Variants in FRK observed in about 807,000 individuals in gnomAD.
FRK encodes the protein fyn related Src family tyrosine kinase.
A neutral mutation model predicts 56.4 loss-of-function variants in FRK; 51 were observed. That is an observed-to-expected ratio of 0.90 (90% CI 0.72 to 1.14). The LOEUF (loss-of-function observed/expected upper bound fraction) is 1.14, where lower values mean the gene tolerates loss of function less well. Ranked by LOEUF, FRK falls within the 50% of genes most tolerant of loss-of-function variation. The pLI is 0.00. For synonymous variants in FRK, 245 were observed against 217.9 expected, an observed-to-expected ratio of 1.12 and a Z score of -1.10; for missense variants, 570 against 601.4, an observed-to-expected ratio of 0.95 and a Z score of 0.55.
intron 4 of FRK, among the ~76,000 whole-genome samples, chr6:115,957,271 G>A (rs1208502936): frequency 5.9e-5 from 9 of 152,176 alleles, no homozygotes; most frequent in Non-Finnish European, 1.0e-4. Flanking sequence ...ACAATATTAA[G>A]GCCTATTTAG....
At chr6:115,966,869 T>C (rs948807378) in intron 4 of FRK, among the ~76,000 whole-genome samples, 2 of 152,226 alleles carry the variant, frequency 1.3e-5, no homozygotes, top group East Asian at 3.9e-4. Flanking sequence ...TGTCCACTAA[T>C]GACCTAATTT....
chr6:116,055,292 T>C (rs1313746584), intron 1 of FRK, among the ~76,000 whole-genome samples: 2 of 152,188 alleles, frequency 1.3e-5, no homozygotes, highest in Middle Eastern at 3.2e-3. Flanking sequence ...ACTTTTATAC[T>C]TCAGAACATT....
intron 1 of FRK, among the ~76,000 whole-genome samples, chr6:116,025,048 GC>G (rs1238881688): frequency 6.6e-6 from 1 of 151,972 alleles, no homozygotes; most frequent in Non-Finnish European, 1.5e-5. Flanking sequence ...GTGTTTTTTG[GC>G]TGCATAAATG....
the FRK span, among the ~76,000 whole-genome samples, chr6:116,094,606 A>G: frequency 2.0e-5 from 3 of 152,264 alleles, no homozygotes; most frequent in Non-Finnish European, 4.4e-5. Flanking sequence ...CAAGGAAACC[A>G]TGGAGTTATT....
chr6:116,082,559 G>T, the FRK span, among the ~76,000 whole-genome samples: 1 of 152,276 alleles, frequency 6.6e-6, no homozygotes, highest in African/African-American at 2.4e-5. Context: ...TAAAGTGGAG[G>T]TGCAGCATTT....
chr6:116,062,436 C>T (rs1037198265), upstream of FRK, among the ~76,000 whole-genome samples: 2 of 149,980 alleles, frequency 1.3e-5, no homozygotes, highest in African/African-American at 4.9e-5. Flanking sequence ...GAAGTCTTCC[C>T]TGAGACATCT....
At chr6:116,063,692 A>G (rs1020006155), upstream of FRK, among the ~76,000 whole-genome samples, 1 of 152,186 alleles carries the variant, frequency 6.6e-6, no homozygotes, top group Non-Finnish European at 1.5e-5. Context: ...CACTGTATAC[A>G]TGTATCACAG....
intron 4 of FRK, among the ~76,000 whole-genome samples, chr6:115,957,162 T>G (rs1390143211): frequency 1.2e-4 from 19 of 152,210 alleles, no homozygotes. Flanking sequence ...TTTTTTCACA[T>G]GTTTTATATG....
intron 1 of FRK, among the ~76,000 whole-genome samples, chr6:116,009,783 T>C (rs2114709124): frequency 6.6e-6 from 1 of 152,356 alleles, no homozygotes; most frequent in South Asian, 2.1e-4. Flanking sequence ...GTCTACCGTA[T>C]GTAAATTCTG....
rs1423468541 is a variant in FRK at position 115,935,853 on chromosome 6, T to C, written c.*6561A>G. On this transcript the variant is annotated 3_prime_UTR_variant, in exon 8 of 8. Transcript: ENST00000606080. Reference sequence around the variant, plus strand: ...TAAAAAAAAGGCAGTCAGGGACTAATAGATAAAACCCCATCTCCCTGGGAC... The same window carrying C: ...TAAAAAAAAGGCAGTCAGGGACTAACAGATAAAACCCCATCTCCCTGGGAC... 1 of 152,234 alleles carries C rather than the reference T, an allele frequency of 6.6e-6. No individual in the cohort carries two copies. Among genetic ancestry groups the C allele is most frequent in the African/African-American group, 2.4e-5 (1 of 41,438 alleles). The allele number at this position is 152,234 out of a possible 1,614,324, so 9.4% of individuals were successfully genotyped here.
rs1772195066 is a variant in FRK at position 115,941,759 on chromosome 6, T to C, written c.*655A>G. ...ATGTATATGACTCTCAGTTGACACA[T>C]ACTGAAGTACAGAAAAATTCCATCA... On this transcript the variant is annotated 3_prime_UTR_variant, in exon 8 of 8. Coordinates refer to ENST00000606080, the MANE Select transcript of FRK (RefSeq NM_002031.3). 6.6e-6 allele frequency: 1 copy of C among 152,564 alleles called. No individual in the cohort carries two copies. The highest frequency in any genetic ancestry group is 6.5e-5 in the Admixed American group (1 of 15,274). 9.5% of individuals were successfully genotyped at this position (152,564 alleles called of 1,614,324 possible). A position where few individuals can be genotyped will look rare whatever the true frequency, so the allele number is the denominator to read the frequency against.
rs1776341686 is a variant in FRK at position 116,032,627 on chromosome 6, G to A, written c.344+27341C>T. Among the ~76,000 whole-genome samples the A allele has an allele frequency of 2.0e-5, 3 of 152,034 alleles. 1 individual carries two copies. In the South Asian group the frequency reaches 6.2e-4, roughly 31 times the overall value. On this transcript the variant is annotated intron_variant, in intron 1 of 7. Coordinates refer to ENST00000606080, the MANE Select transcript of FRK (RefSeq NM_002031.3). ...ACACTTTACATTGTTAATTAATGTTGGTTAATATTGGAAGTTCTGTTAATT... is the reference window on the plus strand; with the variant it reads ...ACACTTTACATTGTTAATTAATGTTAGTTAATATTGGAAGTTCTGTTAATT...
At chr6:116,058,910 CAAA>C (rs3049930) in intron 1 of FRK, among the ~76,000 whole-genome samples, 1 of 78,398 alleles carries the variant, frequency 1.3e-5, no homozygotes, top group Non-Finnish European at 2.4e-5. Context: ...GACTCCGTCT[CAAA>C]AAAAAAAAAA....
chr6:116,080,734 G>A, the FRK span, among the ~76,000 whole-genome samples: 1 of 151,986 alleles, frequency 6.6e-6, no homozygotes, highest in Non-Finnish European at 1.5e-5. Context: ...AAACATAGAA[G>A]GACTTCTAAG....
the FRK span, among the ~76,000 whole-genome samples, chr6:116,085,561 C>T: frequency 2.7e-3 from 404 of 152,300 alleles, 2 homozygotes; most frequent in African/African-American, 9.4e-3. Flanking sequence ...TTACCTATTT[C>T]CATGCTGTTA....
intron 1 of FRK, among the ~76,000 whole-genome samples, chr6:116,021,077 C>T (rs980045195): frequency 1.3e-5 from 2 of 151,506 alleles, no homozygotes; most frequent in Admixed American, 1.3e-4. Flanking sequence ...TCTTTCTGTT[C>T]TTTAGAAACT....
chr6:115,952,096 T>G (rs1772778873), intron 5 of FRK, among the ~76,000 whole-genome samples: 2 of 152,228 alleles, frequency 1.3e-5, no homozygotes, highest in Admixed American at 6.5e-5. Flanking sequence ...CTTTGTCAGA[T>G]GAGTAGGTTG....
chr6:116,081,230 G>A, the FRK span, among the ~76,000 whole-genome samples: 16 of 152,328 alleles, frequency 1.1e-4, 1 homozygote, highest in South Asian at 3.3e-3. Flanking sequence ...TTTCAGTGGA[G>A]ACACAGCCAA....
intron 1 of FRK, among the ~76,000 whole-genome samples, chr6:116,026,935 A>G (rs1385936952): frequency 6.6e-6 from 1 of 152,182 alleles, no homozygotes; most frequent in African/African-American, 2.4e-5. Context: ...GGAAGAGATG[A>G]TAAGGAATTT....
Sources: gnomAD v4.1 joint callset for allele counts (sites outside exome capture counted in the v4.1 genomes callset) on GRCh38, gnomAD v4.1.1 for gene constraint, MANE v1.5 for transcripts, NCBI Gene and HGNC (gene_info 2026-07-23, HGNC 2026-07-21) for gene names.